Variants in PACRG observed in about 807,000 individuals in gnomAD.
The protein encoded by PACRG is parkin coregulated, also known as parkin coregulated gene protein.
In PACRG, 29 loss-of-function variants were observed where a neutral mutation model predicts 29.7. The observed-to-expected ratio is 0.98, with a 90% CI of 0.73 to 1.33. PACRG has a LOEUF of 1.33. Ranked by LOEUF, PACRG falls within the 40% of genes most tolerant of loss-of-function variation. The pLI is 0.00. For synonymous variants in PACRG, 116 were observed against 118.7 expected, an observed-to-expected ratio of 0.98 and a Z score of 0.15; for missense variants, 279 against 316.2, an observed-to-expected ratio of 0.88 and a Z score of 0.89.
chr6:163,053,094 T>C (rs903072349), intron 2 of PACRG, among the ~76,000 whole-genome samples: 1 of 152,148 alleles, frequency 6.6e-6, no homozygotes, highest in Non-Finnish European at 1.5e-5. Flanking sequence ...AAAGAAAGAT[T>C]CCTAAATTTG....
chr6:162,851,692 C>G (rs900450521), intron 2 of PACRG, among the ~76,000 whole-genome samples: 2 of 152,108 alleles, frequency 1.3e-5, no homozygotes, highest in African/African-American at 4.8e-5. Flanking sequence ...TCATTTCACT[C>G]TCCTCTCAGA....
intron 4 of PACRG, among the ~76,000 whole-genome samples, chr6:163,136,877 T>C (rs1156762064): frequency 6.6e-6 from 1 of 152,260 alleles, no homozygotes; most frequent in African/African-American, 2.4e-5. Flanking sequence ...TCCTGTTTTG[T>C]TTTCATTGTA....
At chr6:163,026,148 C>T (rs1466647123) in intron 2 of PACRG, among the ~76,000 whole-genome samples, 1 of 152,132 alleles carries the variant, frequency 6.6e-6, no homozygotes, top group Admixed American at 6.6e-5. Context: ...CATTAAACTA[C>T]AGCCTTTTAT....
intron 4 of PACRG, among the ~76,000 whole-genome samples, chr6:163,303,960 G>A (rs1004342091): frequency 2.1e-5 from 3 of 140,854 alleles, no homozygotes; most frequent in Non-Finnish European, 4.5e-5. Context: ...AGGTTGCAGC[G>A]AGCCGAGATT....
intron 1 of PACRG, among the ~76,000 whole-genome samples, chr6:162,794,698 C>G (rs879870972): frequency 6.6e-6 from 1 of 152,092 alleles, no homozygotes; most frequent in Non-Finnish European, 1.5e-5. Flanking sequence ...ACTACCTTCC[C>G]CATTCATCAG....
Position 163,314,870 on chromosome 6 carries a change from G to A in PACRG, c.657G>A (p.Glu219=), listed in dbSNP as rs757277707. 1.9e-6 allele frequency: 3 copies of A among 1,614,202 alleles called. No homozygotes were observed. The Admixed American group carries it at 5.0e-5, about 27-fold the overall frequency. ...TTGACTACAGCCAGCAGAAGAGGGA[G>A]AACATTGGGGACTTGATCCAGGAGA... ...DGIDYSQQKR[E]NIGDLIQETL... is the part of the protein sequence containing the mutation. The change falls in exon 5 of 5, where the codon GAG becomes GAA. Residue 219 remains glutamate, a synonymous_variant. Transcript: ENST00000366888.
chr6:163,190,772 C>G (rs1780174998), intron 4 of PACRG: 1 of 301,310 alleles, frequency 3.3e-6, no homozygotes, highest in South Asian at 3.1e-5. Context: ...AAAAAGCCCA[C>G]TCAAATGTTC....
At chr6:162,921,301 G>A (rs1797048149) in intron 2 of PACRG, among the ~76,000 whole-genome samples, 1 of 152,158 alleles carries the variant, frequency 6.6e-6, no homozygotes. Flanking sequence ...GCCGCCAGGT[G>A]GTGGGGCAGG....
At chr6:162,910,739 T>A (rs986480466) in intron 2 of PACRG, among the ~76,000 whole-genome samples, 5 of 152,312 alleles carry the variant, frequency 3.3e-5, no homozygotes, top group Non-Finnish European at 5.9e-5. Flanking sequence ...GTGTGTCAGA[T>A]TACCTAAATA....
In PACRG at chr6:162,933,601, C is replaced by CTTTTTTT. The variant is rs71008119; in HGVS notation, c.291+119337_291+119343dup. On this transcript the variant is annotated intron_variant, in intron 2 of 4. Transcript: ENST00000366888. ...ATCAGTATATAATGACTTTCTGTATCTTTTTTTTTTTTTTTTTTTTTTTAC... is the reference window on the plus strand; with the variant it reads ...ATCAGTATATAATGACTTTCTGTATCTTTTTTTTTTTTTTTTTTTTTTTTTTTTTTAC... Among the ~76,000 whole-genome samples, 261 of 74,576 alleles carry CTTTTTTT rather than the reference C, an allele frequency of 3.5e-3. 2 individuals carry two copies. Among genetic ancestry groups the CTTTTTTT allele is most frequent in the African/African-American group, 0.011 (199 of 17,468 alleles). 48.9% of individuals were successfully genotyped at this position (74,576 alleles called of 152,430 possible).
chr6:163,295,174 C>G (rs1784743176), intron 4 of PACRG, among the ~76,000 whole-genome samples: 2 of 152,338 alleles, frequency 1.3e-5, no homozygotes, highest in Middle Eastern at 3.4e-3. Flanking sequence ...GCAACGTTAT[C>G]TGGTTCATTA....
At chr6:162,997,155 A>G (rs921958362) in intron 2 of PACRG, among the ~76,000 whole-genome samples, 1 of 152,164 alleles carries the variant, frequency 6.6e-6, no homozygotes, top group Non-Finnish European at 1.5e-5. Flanking sequence ...ACAGTAATCC[A>G]TTTTCTTACT....
At chr6:162,958,581 A>G (rs1002430508) in intron 2 of PACRG, among the ~76,000 whole-genome samples, 1 of 151,940 alleles carries the variant, frequency 6.6e-6, no homozygotes, top group Non-Finnish European at 1.5e-5. Flanking sequence ...ACATTAATTT[A>G]TTCACTTGAC....
At chr6:162,882,015 G>A (rs57716241) in intron 2 of PACRG, among the ~76,000 whole-genome samples, 1 of 131,608 alleles carries the variant, frequency 7.6e-6, no homozygotes, top group Non-Finnish European at 1.6e-5. Flanking sequence ...TCTCCACCAA[G>A]AACAGAGACC....
chr6:162,734,718 A>G (rs1780027846), intron 1 of PACRG, among the ~76,000 whole-genome samples: 1 of 152,206 alleles, frequency 6.6e-6, no homozygotes, highest in Non-Finnish European at 1.5e-5. Flanking sequence ...AGAGATACTT[A>G]TTAAAGGATA....
intron 4 of PACRG, among the ~76,000 whole-genome samples, chr6:163,162,878 C>T (rs981731835): frequency 3.3e-5 from 5 of 152,138 alleles, no homozygotes; most frequent in Non-Finnish European, 7.3e-5. Context: ...AGAGCCAGTC[C>T]TTCTGGTTTT....
intron 1 of PACRG, among the ~76,000 whole-genome samples, chr6:162,793,208 T>C (rs184439711): frequency 6.6e-6 from 1 of 152,354 alleles, no homozygotes; most frequent in Non-Finnish European, 1.5e-5. Flanking sequence ...GTTGTTGTTC[T>C]TTTTTGTTGT....
At chr6:162,869,258 T>C (rs1194143247) in intron 2 of PACRG, among the ~76,000 whole-genome samples, 1 of 152,192 alleles carries the variant, frequency 6.6e-6, no homozygotes, top group Non-Finnish European at 1.5e-5. Flanking sequence ...TCCATCTATG[T>C]AACATAGCCT....
intron 2 of PACRG, among the ~76,000 whole-genome samples, chr6:162,951,403 C>G (rs1799637219): frequency 6.6e-6 from 1 of 152,212 alleles, no homozygotes; most frequent in South Asian, 2.1e-4. Flanking sequence ...CAGGAAGGCT[C>G]TGATTGATTG....
Sources: gnomAD v4.1 joint callset for allele counts (sites outside exome capture counted in the v4.1 genomes callset) on GRCh38, gnomAD v4.1.1 for gene constraint, MANE v1.5 for transcripts, NCBI Gene and HGNC (gene_info 2026-07-23, HGNC 2026-07-21) for gene names.